QTRT2: variants seen among roughly 807,000 people sequenced by gnomAD.
QTRT2 encodes queuine tRNA-ribosyltransferase accessory subunit 2.
QTRT2 carries 32 observed loss-of-function variants against 44.8 expected under a neutral mutation model. The ratio of observed to expected loss-of-function variants is 0.71; its 90% CI spans 0.54 to 0.96. QTRT2 has a LOEUF of 0.96. Among genes scored for constraint, QTRT2 ranks in the 40% least tolerant of loss-of-function variants. The pLI, the probability that QTRT2 is intolerant of heterozygous loss-of-function variation, is 0.00. For synonymous variants in QTRT2, 182 were observed against 187.4 expected, an observed-to-expected ratio of 0.97 and a Z score of 0.24; for missense variants, 461 against 503.1, an observed-to-expected ratio of 0.92 and a Z score of 0.80.
At chr3:114,084,319 G>C (rs1190889972) in intron 9 of QTRT2, among the ~76,000 whole-genome samples, 1 of 152,058 alleles carries the variant, frequency 6.6e-6, no homozygotes, top group Non-Finnish European at 1.5e-5. Flanking sequence ...TTTAATAGTT[G>C]ATTAAAGGTA....
At chr3:114,062,709 T>A (rs1265351138) in intron 2 of QTRT2, among the ~76,000 whole-genome samples, 4 of 152,192 alleles carry the variant, frequency 2.6e-5, no homozygotes, top group African/African-American at 9.7e-5. Context: ...GAAGCTTTGG[T>A]TGTCAGTCAT....
In QTRT2 at chr3:114,066,229, G is replaced by T; in HGVS notation, c.202G>T (p.Ala68Ser). 1 of 1,603,654 alleles carries T rather than the reference G, an allele frequency of 6.2e-7. No individual in the cohort carries two copies. Among genetic ancestry groups the T allele is most frequent in the Non-Finnish European group, 8.5e-7 (1 of 1,170,850 alleles). The change falls in exon 4 of 10, where the codon GCA (alanine) becomes TCA (serine). Residue 68 changes from alanine to serine, a missense_variant and splice_region_variant. By Grantham distance (99) the Ala-to-Ser change is moderately conservative (BLOSUM62 1). Coordinates refer to ENST00000281273, the MANE Select transcript of QTRT2 (RefSeq NM_024638.4). Reference sequence around the variant, plus strand: ...TGTATTTTTCTGTTTTGCTTACAGAGCAGAACATCATGAAGTCTTGACAGA... The same window carrying T: ...TGTATTTTTCTGTTTTGCTTACAGATCAGAACATCATGAAGTCTTGACAGA... ...AMAQLTLSSL[A>S]EHHEVLTEYK...
chr3:114,071,062 C>A (rs1384108178), intron 6 of QTRT2, among the ~76,000 whole-genome samples: 1 of 152,110 alleles, frequency 6.6e-6, no homozygotes, highest in Admixed American at 6.6e-5. Context: ...CCCTGGGCAG[C>A]CTTCCCTTAG....
intron 7 of QTRT2, 111 bp from the exon 8 acceptor site, chr3:114,079,795 T>G: frequency 1.0e-6 from 1 of 989,194 alleles, no homozygotes. Context: ...CTAACCATGA[T>G]TGGTGTTTTT....
rs759734207 is a variant in QTRT2, at chr3:114,086,532, T to C, written c.*628T>C. The C allele has an allele frequency of 1.3e-5, 2 of 153,830 alleles. No individual in the cohort carries two copies. Among genetic ancestry groups the C allele is most frequent in the African/African-American group, 2.4e-5 (1 of 41,476 alleles). 9.5% of individuals were successfully genotyped at this position (153,830 alleles called of 1,614,324 possible). On this transcript the variant is annotated 3_prime_UTR_variant, in exon 10 of 10. Coordinates refer to ENST00000281273, the MANE Select transcript of QTRT2 (RefSeq NM_024638.4). ...GGTCACACTCCTTCATTTGACCACA[T>C]GGCCTATTTGCAACTTCTTTTTAGA...
intron 6 of QTRT2, among the ~76,000 whole-genome samples, chr3:114,072,002 G>A (rs187479308): frequency 2.0e-5 from 3 of 152,162 alleles, no homozygotes; most frequent in African/African-American, 7.2e-5. Flanking sequence ...TTTCTGAGTT[G>A]CTTGGAATTC....
At position 114,065,318 on chromosome 3, in the gene QTRT2, G is replaced by T. The variant is rs769253454; in HGVS notation, c.61G>T (p.Gly21Cys). The change falls in exon 3 of 10, where the codon GGC becomes TGC. Residue 21 changes from glycine to cysteine, a missense_variant. By Grantham distance (159) the Gly-to-Cys change is radical. Transcript: ENST00000281273. The stretch of plus-strand genomic sequence containing the variant: ...TCGCCTAGGAAAAATAAAAAACCTG[G>T]GCAAAACAGGGGACCACACCATGGA... ...GCRLGKIKNLGKTGDHTMDIP... is the reference protein window; with the variant it reads ...GCRLGKIKNLCKTGDHTMDIP... 3 of 1,614,096 alleles carry T rather than the reference G, an allele frequency of 1.9e-6. No individual in the cohort carries two copies. In the East Asian group the frequency reaches 6.7e-5, roughly 36 times the overall value.
In QTRT2 at chr3:114,061,771, T is replaced by A. The variant is rs960592926; in HGVS notation, c.-21-3466T>A. Among the ~76,000 whole-genome samples the A allele has an allele frequency of 4.6e-5, 7 of 152,014 alleles. No homozygotes were observed. In the South Asian group the frequency reaches 1.5e-3, roughly 32 times the overall value. ...TTTTGTATTTTTTGTAGAGACAGGGTTTCATTGTGTTGCCCAGGCTGCTCT... is the reference window on the plus strand; with the variant it reads ...TTTTGTATTTTTTGTAGAGACAGGGATTCATTGTGTTGCCCAGGCTGCTCT... On this transcript the variant is annotated intron_variant, in intron 2 of 9. Coordinates refer to ENST00000281273, the MANE Select transcript of QTRT2 (RefSeq NM_024638.4).
At chr3:114,078,596 T>G (rs1247888509) in intron 7 of QTRT2, 2 of 152,226 alleles carry the variant, frequency 1.3e-5, no homozygotes, top group Admixed American at 6.5e-5. Flanking sequence ...GTGCCATTAA[T>G]AGTCTCAGAA....
intron 2 of QTRT2, among the ~76,000 whole-genome samples, chr3:114,058,440 GTCGTCGTTATCTCTTTC>G (rs2076837170): frequency 6.6e-6 from 1 of 152,076 alleles, no homozygotes; most frequent in African/African-American, 2.4e-5. Context: ...AAAGTTTAAC[GTCGTCGTTATCTCTTTC>G]CCCCTACCAA....
In QTRT2 at chr3:114,076,722, A is replaced by G. The variant is rs755353511; in HGVS notation, c.547-21A>G. 3 of 1,611,778 alleles carry G rather than the reference A, an allele frequency of 1.9e-6. No individual in the cohort carries two copies. The South Asian group carries it at 3.3e-5, about 18-fold the overall frequency. ...TCTCATACTGAAAATGGTTAAAAAC[A>G]TATCATCCTTCTTACCTCAGGTTCT... On this transcript the variant is annotated intron_variant, in intron 6 of 9. Coordinates refer to ENST00000281273, the MANE Select transcript of QTRT2 (RefSeq NM_024638.4).
chr3:114,073,166 C>A (rs2107796741), intron 6 of QTRT2, among the ~76,000 whole-genome samples: 1 of 152,194 alleles, frequency 6.6e-6, no homozygotes, highest in East Asian at 1.9e-4. Context: ...TGTGTCTGGG[C>A]AGTTAGTGTT....
At position 114,082,718 on chromosome 3, in the gene QTRT2, G is replaced by A. The variant is rs554957315; in HGVS notation, c.940G>A (p.Asp314Asn). Residue 314 changes from aspartate (D) to asparagine (N), a missense_variant, in exon 9 of 10, where the codon GAT (aspartate) becomes AAT (asparagine). Coordinates refer to ENST00000281273, the MANE Select transcript of QTRT2 (RefSeq NM_024638.4). ...NGTQEEIKCM[D>N]QIKKIETTGC... ...AACACAAGAAGAAATAAAATGTATG[G>A]ATCAAATAAAGAAAATTGAAACAAC... 236 of 1,526,128 alleles carry A rather than the reference G, an allele frequency of 1.5e-4. 5 individuals carry two copies. In the South Asian group the frequency reaches 2.5e-3, roughly 16 times the overall value. The allele number at this position is 1,526,128 out of a possible 1,614,324, so 94.5% of individuals were successfully genotyped here.
In QTRT2 at chr3:114,076,889, T is replaced by C. The variant is rs1208054213; in HGVS notation, c.693T>C (p.Ala231=). The change falls in exon 7 of 10, where the codon GCT becomes GCC. Residue 231 remains alanine, a synonymous_variant. Transcript: ENST00000281273. The part of the protein sequence containing the change: ...GFQGNPTTLE[A]RLRLLSSVTA... ...AAGGAAATCCAACAACCCTGGAGGC[T>C]AGACTACGCTTGCTGTCATCAGTCA... 1.9e-6 allele frequency: 3 copies of C among 1,614,180 alleles called. No individual in the cohort carries two copies. The highest frequency in any genetic ancestry group is 2.5e-6 in the Non-Finnish European group (3 of 1,180,036).
At position 114,076,826 on chromosome 3, in the gene QTRT2, C is replaced by T; in HGVS notation, c.630C>T (p.Ala210=). The stretch of plus-strand genomic sequence containing the variant: ...GGCTGAGGTCAGCACGAGAGACAGC[C>T]AAGCGGCCTGTGGGTGGCTTCCTTC... ...EERLRSARET[A]KRPVGGFLLD... Residue 210 remains alanine, a synonymous_variant, in exon 7 of 10, where the codon GCC becomes GCT. Coordinates refer to ENST00000281273, the MANE Select transcript of QTRT2 (RefSeq NM_024638.4). 6.2e-7 allele frequency: 1 copy of T among 1,614,174 alleles called. No homozygotes were observed. The highest frequency in any genetic ancestry group is 8.5e-7 in the Non-Finnish European group (1 of 1,180,020).
rs190745114 is a variant in QTRT2, at chr3:114,056,846, T to A, written c.-148T>A. On this transcript the variant is annotated 5_prime_UTR_variant, in exon 1 of 10. Coordinates refer to ENST00000281273, the MANE Select transcript of QTRT2 (RefSeq NM_024638.4). ...TTGAGGGGTCTGAAGACTGAAAGAGTCGAATGGTTTGTTGGCAGGTAAGTG... is the reference window on the plus strand; with the variant it reads ...TTGAGGGGTCTGAAGACTGAAAGAGACGAATGGTTTGTTGGCAGGTAAGTG... 26 of 1,535,234 alleles carry A rather than the reference T, an allele frequency of 1.7e-5. No homozygotes were observed. In the East Asian group the frequency reaches 6.4e-4, roughly 38 times the overall value.
chr3:114,068,288 A>C, intron 5 of QTRT2: 1 of 405,396 alleles, frequency 2.5e-6, no homozygotes, highest in Non-Finnish European at 4.6e-6. Context: ...TCATTGTTGC[A>C]AAAAAATTTG....
At chr3:114,061,926 A>G (rs554848786) in intron 2 of QTRT2, among the ~76,000 whole-genome samples, 19 of 152,242 alleles carry the variant, frequency 1.2e-4, no homozygotes, top group Admixed American at 3.9e-4. Context: ...TAGGGGAAAA[A>G]AACAAAAAGA....
intron 2 of QTRT2, among the ~76,000 whole-genome samples, chr3:114,063,488 G>A (rs2076914183): frequency 6.6e-6 from 1 of 151,932 alleles, no homozygotes; most frequent in Non-Finnish European, 1.5e-5. Flanking sequence ...TAAAAAAATA[G>A]CTTTTATACT....
Sources: gnomAD v4.1 joint callset for allele counts (sites outside exome capture counted in the v4.1 genomes callset) on GRCh38, gnomAD v4.1.1 for gene constraint, MANE v1.5 for transcripts, NCBI Gene and HGNC (gene_info 2026-07-23, HGNC 2026-07-21) for gene names.